The following RASAL2 variants were observed in gnomAD, a reference collection of about 807,000 sequenced individuals.
The protein encoded by RASAL2 is RAS protein activator like 2.
A neutral mutation model predicts 128.9 loss-of-function variants in RASAL2; 58 were observed. That is an observed-to-expected ratio of 0.45 (90% confidence interval 0.36 to 0.56). The LOEUF (loss-of-function observed/expected upper bound fraction) is 0.56. RASAL2 is among the 20% of genes least tolerant of loss of function. The probability of loss-of-function intolerance (pLI) is 0.00; values close to 1 mark genes in which losing one functional copy is unlikely to be tolerated. For missense variants in RASAL2, 1,360 were observed against 1,601.6 expected (o/e 0.85, Z 2.57); for synonymous variants, 561 against 580.8 (o/e 0.97, Z 0.49).
At chr1:178,268,091 G>A (rs964110458) in intron 1 of RASAL2, among the ~76,000 whole-genome samples, 1 of 151,680 alleles carries the variant, frequency 6.6e-6, no homozygotes, top group Admixed American at 6.6e-5. Context: ...TAGCAGTTGT[G>A]GAAAGGCAGG....
chr1:178,146,070 C>T (rs1660721687), intron 1 of RASAL2, among the ~76,000 whole-genome samples: 1 of 152,158 alleles, frequency 6.6e-6, no homozygotes, highest in South Asian at 2.1e-4. Flanking sequence ...TTTGTTTCTA[C>T]TGAGATATGA....
At chr1:178,197,643 T>A (rs887138950) in intron 1 of RASAL2, among the ~76,000 whole-genome samples, 2 of 151,194 alleles carry the variant, frequency 1.3e-5, no homozygotes, top group Non-Finnish European at 2.9e-5. Context: ...TTAAACATGC[T>A]CATAGCTTAA....
At chr1:178,114,807 C>T (rs1659468347) in intron 1 of RASAL2, among the ~76,000 whole-genome samples, 1 of 152,218 alleles carries the variant, frequency 6.6e-6, no homozygotes, top group Non-Finnish European at 1.5e-5. Flanking sequence ...CAGGCGTGAG[C>T]CACTGCGCCC....
chr1:178,147,103 T>C (rs1004439648), intron 1 of RASAL2, among the ~76,000 whole-genome samples: 4 of 150,600 alleles, frequency 2.7e-5, no homozygotes, highest in African/African-American at 9.9e-5. Context: ...TGTAGATACT[T>C]GTGGTAGATA....
chr1:178,176,911 A>G (rs1010087896), intron 1 of RASAL2, among the ~76,000 whole-genome samples: 3 of 151,892 alleles, frequency 2.0e-5, no homozygotes, highest in African/African-American at 7.3e-5. Flanking sequence ...CAGCCTCCCA[A>G]AGAGCTGGGA....
intron 1 of RASAL2, chr1:178,194,716 C>T (rs1571612897): frequency 1.7e-5 from 3 of 177,294 alleles, no homozygotes; most frequent in East Asian, 2.7e-4. Flanking sequence ...CCATCTTTTA[C>T]CCAACGCCGA....
intron 1 of RASAL2, among the ~76,000 whole-genome samples, chr1:178,107,266 T>G (rs1041846067): frequency 3.9e-5 from 6 of 152,162 alleles, no homozygotes; most frequent in African/African-American, 1.2e-4. Context: ...TTTTAACATA[T>G]TTGTGTTAAA....
At chr1:178,367,542 G>A (rs932567245) in intron 3 of RASAL2, among the ~76,000 whole-genome samples, 23 of 152,208 alleles carry the variant, frequency 1.5e-4, no homozygotes, top group African/African-American at 5.1e-4. Context: ...GTTCACAACT[G>A]TATGTGGGGG....
chr1:178,243,392 A>G (rs1664607636), intron 1 of RASAL2, among the ~76,000 whole-genome samples: 1 of 151,978 alleles, frequency 6.6e-6, no homozygotes, highest in African/African-American at 2.4e-5. Context: ...AGGACCTCCC[A>G]GCCTGTGAAA....
chr1:178,130,593 C>T (rs1016740442), intron 1 of RASAL2, among the ~76,000 whole-genome samples: 1 of 152,128 alleles, frequency 6.6e-6, no homozygotes, highest in Non-Finnish European at 1.5e-5. Context: ...GTAAGGAAGC[C>T]ATATGTAACG....
At position 178,445,662 on chromosome 1, in the gene RASAL2, G is replaced by T; in HGVS notation, c.1627G>T (p.Gly543Trp). The change falls in exon 9 of 18, where the codon GGG becomes TGG. Residue 543 changes from glycine to tryptophan, a missense_variant and splice_region_variant. Physicochemically the swap from Gly to Trp is radical, Grantham distance 184. Coordinates refer to ENST00000367649, the MANE Select transcript of RASAL2 (RefSeq NM_170692.4). The stretch of plus-strand genomic sequence containing the variant: ...ACAACAGTATCTTCATGACGCACTG[G>T]GTATGAAAGAGAAAAACATCTATTT... ...VGQQYLHDAL[G>W]EFIKALYESD... is the part of the protein sequence containing the mutation. 1 of 1,597,432 alleles carries T rather than the reference G, an allele frequency of 6.3e-7. No individual in the cohort carries two copies. The highest frequency in any genetic ancestry group is 8.5e-7 in the Non-Finnish European group (1 of 1,173,582).
intron 1 of RASAL2, among the ~76,000 whole-genome samples, chr1:178,154,582 A>G (rs1337848632): frequency 2.0e-5 from 3 of 152,164 alleles, no homozygotes; most frequent in African/African-American, 4.8e-5. Flanking sequence ...TGACTTTTTC[A>G]TTATAACCAT....
At chr1:178,447,129 G>T (rs182389113) in intron 9 of RASAL2, among the ~76,000 whole-genome samples, 2 of 152,260 alleles carry the variant, frequency 1.3e-5, no homozygotes, top group African/African-American at 2.4e-5. Flanking sequence ...TTTTGAGCAG[G>T]TGTTTTCAGT....
chr1:178,179,143 C>A (rs1469118195), intron 1 of RASAL2, among the ~76,000 whole-genome samples: 2 of 152,172 alleles, frequency 1.3e-5, no homozygotes, highest in African/African-American at 4.8e-5. Context: ...AAAACTAGTT[C>A]TTTGGGGTAA....
At chr1:178,375,594 CCT>C (rs368288466) in intron 3 of RASAL2, among the ~76,000 whole-genome samples, 4 of 152,074 alleles carry the variant, frequency 2.6e-5, no homozygotes, top group Non-Finnish European at 4.4e-5. Context: ...AGGGCTTAAT[CCT>C]CTGTCTTTTC....
chr1:178,206,925 A>G (rs1663069734), intron 1 of RASAL2, among the ~76,000 whole-genome samples: 1 of 152,168 alleles, frequency 6.6e-6, no homozygotes, highest in African/African-American at 2.4e-5. Context: ...CTGTAGTCCT[A>G]GCACTTTGGG....
intron 3 of RASAL2, among the ~76,000 whole-genome samples, chr1:178,379,955 T>C (rs1672190727): frequency 6.6e-6 from 1 of 152,232 alleles, no homozygotes; most frequent in Admixed American, 6.5e-5. Flanking sequence ...AGTCAAGCCC[T>C]GCCTCTTCCA....
chr1:178,254,103 C>T (rs1665197030), intron 1 of RASAL2, among the ~76,000 whole-genome samples: 1 of 152,210 alleles, frequency 6.6e-6, no homozygotes, highest in Non-Finnish European at 1.5e-5. Flanking sequence ...CAATGACTGG[C>T]CTACTTTCAG....
chr1:178,445,984 A>G (rs1339502487), intron 9 of RASAL2, among the ~76,000 whole-genome samples: 2 of 152,206 alleles, frequency 1.3e-5, no homozygotes, highest in Non-Finnish European at 2.9e-5. Flanking sequence ...GGGTGTTTAT[A>G]TGATGATATT....
Sources: allele counts gnomAD v4.1 joint callset (sites outside exome capture counted in the v4.1 genomes callset), GRCh38; gene constraint gnomAD v4.1.1; transcripts MANE v1.5; gene names NCBI Gene and HGNC (gene_info 2026-07-23, HGNC 2026-07-21).